The following PDZRN3 variants were observed in gnomAD, a reference collection of about 807,000 sequenced individuals.
The protein encoded by PDZRN3 is E3 ubiquitin-protein ligase PDZRN3.
PDZRN3 carries 38 observed loss-of-function variants against 85.7 expected under a neutral mutation model. The observed-to-expected ratio is 0.44, with a 90% CI of 0.34 to 0.58. The LOEUF is 0.58. Among genes scored for constraint, PDZRN3 ranks in the 20% least tolerant of loss-of-function variants. PDZRN3 has a pLI of 0.01. For synonymous variants in PDZRN3, 759 were observed against 638.0 expected (o/e 1.19, Z -2.86); for missense variants, 1,629 against 1,506.4 (o/e 1.08, Z -1.35).
At chr3:73,458,804 A>G (rs1703040575) in intron 3 of PDZRN3, among the ~76,000 whole-genome samples, 1 of 151,718 alleles carries the variant, frequency 6.6e-6, no homozygotes, top group African/African-American at 2.4e-5. Flanking sequence ...AGCATGGCCA[A>G]TATGGTGAAA....
intron 3 of PDZRN3, among the ~76,000 whole-genome samples, chr3:73,530,639 T>C (rs1483877608): frequency 1.6e-5 from 2 of 128,870 alleles, no homozygotes; most frequent in African/African-American, 3.1e-5. Context: ...ACAATGCAGA[T>C]CAAATGTTTT....
intron 3 of PDZRN3, among the ~76,000 whole-genome samples, chr3:73,540,255 C>T (rs373692694): frequency 1.3e-5 from 2 of 151,930 alleles, no homozygotes; most frequent in African/African-American, 2.4e-5. Flanking sequence ...ATATATATAG[C>T]TAAAAAAAAA....
intron 3 of PDZRN3, among the ~76,000 whole-genome samples, chr3:73,539,748 G>A (rs1346336119): frequency 6.6e-6 from 1 of 152,060 alleles, no homozygotes; most frequent in Non-Finnish European, 1.5e-5. Flanking sequence ...ACAAAGTTGG[G>A]ATGGTTTTTT....
At chr3:73,466,327 A>C (rs962083797) in intron 3 of PDZRN3, among the ~76,000 whole-genome samples, 1 of 141,254 alleles carries the variant, frequency 7.1e-6, no homozygotes, top group African/African-American at 2.9e-5. Context: ...TGATAGAAAA[A>C]AAAAAAAGGG....
chr3:73,415,578 C>T (rs1472255411), intron 3 of PDZRN3, among the ~76,000 whole-genome samples: 1 of 152,122 alleles, frequency 6.6e-6, no homozygotes, highest in Admixed American at 6.5e-5. Flanking sequence ...ATAGAAACTG[C>T]ACTTTCGGTA....
intron 3 of PDZRN3, among the ~76,000 whole-genome samples, chr3:73,551,926 G>GGA (rs1328093256): frequency 6.6e-6 from 1 of 152,102 alleles, no homozygotes; most frequent in Non-Finnish European, 1.5e-5. Context: ...CCTGAGGTCT[G>GGA]GAGAAGGTCA....
chr3:73,478,264 T>A (rs950173260), intron 3 of PDZRN3, among the ~76,000 whole-genome samples: 3 of 152,136 alleles, frequency 2.0e-5, no homozygotes, highest in African/African-American at 4.8e-5. Context: ...TGAAGCTTCA[T>A]CTATATTTAC....
At chr3:73,526,167 G>A (rs962037533) in intron 3 of PDZRN3, among the ~76,000 whole-genome samples, 2 of 152,164 alleles carry the variant, frequency 1.3e-5, no homozygotes, top group Admixed American at 6.5e-5. Flanking sequence ...AATCAAAAGT[G>A]ATGATGCAAG....
At chr3:73,409,637 A>T (rs1327343211) in intron 3 of PDZRN3, among the ~76,000 whole-genome samples, 1 of 151,840 alleles carries the variant, frequency 6.6e-6, no homozygotes, top group African/African-American at 2.4e-5. Context: ...TGACTCAGAG[A>T]CTACACACGA....
chr3:73,395,588 A>C (rs1202364796), intron 5 of PDZRN3, among the ~76,000 whole-genome samples: 1 of 152,186 alleles, frequency 6.6e-6, no homozygotes, highest in Non-Finnish European at 1.5e-5. Context: ...TCAAAGACTA[A>C]TTTCAATGCT....
chr3:73,520,498 C>T (rs1363387863), intron 3 of PDZRN3, among the ~76,000 whole-genome samples: 1 of 152,108 alleles, frequency 6.6e-6, no homozygotes, highest in Non-Finnish European at 1.5e-5. Context: ...AGAGCAAGAC[C>T]CTGTGACAAC....
At chr3:73,427,611 G>A (rs767874132) in intron 3 of PDZRN3, among the ~76,000 whole-genome samples, 3 of 152,126 alleles carry the variant, frequency 2.0e-5, no homozygotes, top group Non-Finnish European at 4.4e-5. Flanking sequence ...TTGTGACCCC[G>A]TACCATCTGC....
At chr3:73,506,895 C>CA (rs11354960) in intron 3 of PDZRN3, among the ~76,000 whole-genome samples, 41 of 131,466 alleles carry the variant, frequency 3.1e-4, no homozygotes, top group African/African-American at 1.1e-3. Flanking sequence ...GACCATGTCT[C>CA]AAAAAAAAAA....
In PDZRN3 at chr3:73,576,129, T is replaced by A. The variant is rs113917920; in HGVS notation, c.918+26225A>T. On this transcript the variant is annotated intron_variant, in intron 3 of 9. Transcript: ENST00000263666. ...ATACTCTCTCTCACACACACACATA[T>A]GCACAGTGGCATACGGAGCTGCCTA... is the stretch of plus-strand genomic sequence containing the variant. Among the ~76,000 whole-genome samples, 551 of 152,234 alleles carry A rather than the reference T, an allele frequency of 3.6e-3. 5 individuals carry two copies. Among genetic ancestry groups the A allele is most frequent in the African/African-American group, 0.013 (522 of 41,526 alleles).
In PDZRN3 at chr3:73,475,700, GA is replaced by G. The variant is rs1162556119; in HGVS notation, c.919-71306del. Among the ~76,000 whole-genome samples, 8 of 152,302 alleles carry G rather than the reference GA, an allele frequency of 5.3e-5. No individual in the cohort carries two copies. In the East Asian group the frequency reaches 1.5e-3, roughly 29 times the overall value. On this transcript the variant is annotated intron_variant, in intron 3 of 9. Transcript: ENST00000263666. ...GCCTTCAGCCAGTTGGTAATGAAATGAACTTTTACCTAGGGGTTGCTATATA... is the reference window on the plus strand; with the variant it reads ...GCCTTCAGCCAGTTGGTAATGAAATGACTTTTACCTAGGGGTTGCTATATA...
intron 3 of PDZRN3, among the ~76,000 whole-genome samples, chr3:73,432,163 G>A (rs1309537271): frequency 6.6e-6 from 1 of 152,190 alleles, no homozygotes; most frequent in Non-Finnish European, 1.5e-5. Context: ...TGTTCCACTT[G>A]TTTCCTGCCT....
At chr3:73,610,399 C>G (rs796442334) in intron 1 of PDZRN3, among the ~76,000 whole-genome samples, 5 of 152,358 alleles carry the variant, frequency 3.3e-5, no homozygotes, top group African/African-American at 1.2e-4. Flanking sequence ...TCTATCAACA[C>G]TATCCCTCTT....
At chr3:73,469,380 C>T (rs1703288680) in intron 3 of PDZRN3, among the ~76,000 whole-genome samples, 1 of 152,218 alleles carries the variant, frequency 6.6e-6, no homozygotes, top group Non-Finnish European at 1.5e-5. Flanking sequence ...CATGATTCAT[C>T]TCTTTAATAC....
intron 3 of PDZRN3, among the ~76,000 whole-genome samples, chr3:73,440,878 G>A (rs991267963): frequency 3.9e-5 from 6 of 152,106 alleles, no homozygotes; most frequent in East Asian, 1.9e-4. Context: ...GCAGTCCTCC[G>A]ACCAGGGGGA....
Sources: allele counts gnomAD v4.1 joint callset (sites outside exome capture counted in the v4.1 genomes callset), GRCh38; gene constraint gnomAD v4.1.1; transcripts MANE v1.5; gene names NCBI Gene and HGNC (gene_info 2026-07-23, HGNC 2026-07-21).